PNPLA7: variants seen among roughly 807,000 people sequenced by gnomAD.
PNPLA7 encodes the protein patatin like domain 7, lysophospholipase, also known as patatin-like phospholipase domain-containing protein 7.
In PNPLA7, 153 loss-of-function variants were observed where a neutral mutation model predicts 161.7. The observed-to-expected ratio is 0.95, with a 90% confidence interval of 0.83 to 1.08. The LOEUF (loss-of-function observed/expected upper bound fraction) is 1.08. Among genes scored for constraint, PNPLA7 ranks in the 50% least tolerant of loss-of-function variants. The probability of loss-of-function intolerance (pLI) is 0.00; values close to 1 mark genes in which losing one functional copy is unlikely to be tolerated. For synonymous variants in PNPLA7, 809 were observed against 782.1 expected (o/e 1.03, Z -0.57); for missense variants, 1,739 against 1,856.6 (o/e 0.94, Z 1.16).
chr9:137,460,997 G>A (rs1831160308), intron 33 of PNPLA7: 12 of 475,854 alleles, frequency 2.5e-5, no homozygotes, highest in South Asian at 2.4e-4. Flanking sequence ...CCCCTTGTCA[G>A]CCAAGCACCC....
chr9:137,495,140 T>C lies in PNPLA7; in HGVS notation c.2020A>G (p.Thr674Ala), dbSNP rs1278426106. Residue 674 changes from threonine (T) to alanine (A), a missense_variant, in exon 19 of 35, where the codon ACA becomes GCA. Thr to Ala is a moderately conservative substitution (Grantham distance 58, BLOSUM62 0). Transcript: ENST00000406427. ...GTCGCCCGGGCCTGGTGGGTCAGTG[T>C]CTCCACCTGAGGACAGGAGCCGGCT... is the stretch of plus-strand genomic sequence containing the variant. ...GRGDLVGVVE[T>A]LTHQARATTV... is the part of the protein sequence containing the mutation. 5 of 1,598,296 alleles carry C rather than the reference T, an allele frequency of 3.1e-6. No individual in the cohort carries two copies. In the South Asian group the frequency reaches 5.5e-5, roughly 18 times the overall value.
At chr9:137,461,753 G>A (rs982899618) in intron 32 of PNPLA7, 133 bp from the exon 33 acceptor site, 9 of 1,214,888 alleles carry the variant, frequency 7.4e-6, no homozygotes, top group Non-Finnish European at 1.0e-5. Flanking sequence ...GTAAGGGCAG[G>A]GACCGGGGAG....
Position 137,547,647 on chromosome 9 carries a change from G to C in PNPLA7, c.43C>G (p.Leu15Val), listed in dbSNP as rs777835450. Residue 15 changes from leucine (L) to valine (V), a missense_variant, in exon 2 of 35, where the codon CTG becomes GTG. This residue lies in a region of PNPLA7 where 209 missense variants were observed against 252.8 expected (regional missense o/e 0.83). Coordinates refer to ENST00000406427, the MANE Select transcript of PNPLA7 (RefSeq NM_001098537.3). The surrounding 1 kb of genome is among the most constrained non-coding windows in gnomAD (Gnocchi z 4.6). ...KDDSPQADFCLGTALHSWGLW... is the reference protein window; with the variant it reads ...KDDSPQADFCVGTALHSWGLW... Reference sequence around the variant, plus strand: ...CCCCAAGAGTGCAGGGCGGTGCCCAGGCAGAAGTCAGCCTGCAGCAGAGAG... The same window carrying C: ...CCCCAAGAGTGCAGGGCGGTGCCCACGCAGAAGTCAGCCTGCAGCAGAGAG... 2.5e-6 allele frequency: 4 copies of C among 1,613,048 alleles called. No individual in the cohort carries two copies. The South Asian group carries it at 3.3e-5, about 13-fold the overall frequency.
chr9:137,506,285 T>A (rs995689783), intron 12 of PNPLA7, among the ~76,000 whole-genome samples: 6 of 152,196 alleles, frequency 3.9e-5, no homozygotes, highest in Non-Finnish European at 8.8e-5. Flanking sequence ...CTACAGGTTT[T>A]CTCCGCAGCT....
rs143602463 is a variant in PNPLA7, at chr9:137,499,302, G to A, written c.1758-1057C>T. Among the ~76,000 whole-genome samples the A allele has an allele frequency of 9.2e-5, 14 of 151,492 alleles. No homozygotes were observed. Among genetic ancestry groups the A allele is most frequent in the South Asian group, 2.1e-4 (1 of 4,772 alleles). ...CACAGAGACAGACACACGGACACAT[G>A]CAGACACATGGAGACACACAGAGAC... On this transcript the variant is annotated intron_variant, in intron 16 of 34. Transcript: ENST00000406427. This position sits in a 1 kb window ranked among gnomAD's most constrained non-coding sequence, Gnocchi z 5.5.
intron 11 of PNPLA7, among the ~76,000 whole-genome samples, chr9:137,517,037 CCTG>C (rs1834620302): frequency 1.5e-5 from 2 of 132,900 alleles, no homozygotes; most frequent in African/African-American, 2.9e-5. Flanking sequence ...CACTCCATCC[CCTG>C]TCACTCACTC....
intron 21 of PNPLA7, among the ~76,000 whole-genome samples, chr9:137,483,973 G>A (rs1281643358): frequency 1.3e-5 from 2 of 151,190 alleles, no homozygotes; most frequent in East Asian, 2.0e-4. Flanking sequence ...TTGCTCTGTC[G>A]CCCAGGCTGG....
intron 11 of PNPLA7, among the ~76,000 whole-genome samples, chr9:137,518,691 C>G (rs1333675698): frequency 2.3e-5 from 2 of 87,894 alleles, no homozygotes; most frequent in African/African-American, 4.8e-5. Flanking sequence ...CTCACTCACT[C>G]ACTCCACTCT....
At position 137,505,978 on chromosome 9, in the gene PNPLA7, C is replaced by A; in HGVS notation, c.1326+5G>T. 1.2e-6 allele frequency: 2 copies of A among 1,605,722 alleles called. No individual in the cohort carries two copies. Among genetic ancestry groups the A allele is most frequent in the Non-Finnish European group, 1.7e-6 (2 of 1,176,452 alleles). The stretch of plus-strand genomic sequence containing the variant: ...CGGAGGGTGAGAATGACAGCCAGGG[C>A]CTACCTTGCTGGCCACGGAGCTCCC... On this transcript the variant is annotated splice_donor_5th_base_variant and intron_variant, in intron 13 of 34. Transcript: ENST00000406427.
chr9:137,465,161 G>A (rs1284423966), intron 26 of PNPLA7, among the ~76,000 whole-genome samples: 3 of 152,144 alleles, frequency 2.0e-5, no homozygotes, highest in Non-Finnish European at 4.4e-5. Context: ...TGCTTACACC[G>A]TGTGATGCAG....
chr9:137,491,509 T>C (rs1186482649), intron 20 of PNPLA7: 1 of 983,130 alleles, frequency 1.0e-6, no homozygotes, highest in Non-Finnish European at 1.2e-6. Flanking sequence ...TCACATTACG[T>C]TACGTGTTAG....
At chr9:137,461,895 CG>C in intron 32 of PNPLA7, 35 bp downstream of exon 32, 1 of 1,509,764 alleles carries the variant, frequency 6.6e-7, no homozygotes. Context: ...GGGCGCGGTC[CG>C]GGGAGCTGGG....
chr9:137,501,768 A>G lies in PNPLA7; in HGVS notation c.1474-41T>C, dbSNP rs145428738. ...ACTTCAGGGAACACGGGCGGGAAGCATAAATGAAGGTCCAGAGAACAGAGG... is the reference window on the plus strand; with the variant it reads ...ACTTCAGGGAACACGGGCGGGAAGCGTAAATGAAGGTCCAGAGAACAGAGG... On this transcript the variant is annotated intron_variant, in intron 14 of 34. Coordinates refer to ENST00000406427, the MANE Select transcript of PNPLA7 (RefSeq NM_001098537.3). The G allele has an allele frequency of 4.2e-4, 669 of 1,591,852 alleles. 2 individuals carry two copies. The East Asian group carries it at 0.013, about 31-fold the overall frequency.
intron 25 of PNPLA7, among the ~76,000 whole-genome samples, chr9:137,471,397 A>G (rs775147605): frequency 1.2e-4 from 19 of 152,098 alleles, no homozygotes; most frequent in Non-Finnish European, 2.5e-4. Flanking sequence ...TCAGGAGTTC[A>G]AGACCAGCCT....
rs1463069995 is a variant in PNPLA7, at chr9:137,493,012, C to T, written c.2197+1G>A. ...GCTCTGGGTTGGGAGAGGTGACCCACCTGTCACAGGTCCCTGCTGGAGGCT... is the reference window on the plus strand; with the variant it reads ...GCTCTGGGTTGGGAGAGGTGACCCATCTGTCACAGGTCCCTGCTGGAGGCT... On this transcript the variant is annotated splice_donor_variant, in intron 20 of 34. Transcript: ENST00000406427. LOFTEE classifies it high-confidence loss of function. 1.2e-6 allele frequency: 2 copies of T among 1,613,290 alleles called. No individual in the cohort carries two copies. The highest frequency in any genetic ancestry group is 1.7e-6 in the Non-Finnish European group (2 of 1,179,958).
rs1051811690 is a variant in PNPLA7, at chr9:137,486,666, A to G, written c.2198-1930T>C. ...CCACCAAAGCTCAGTCCCCGCCCTC[A>G]GTCCAACTCAGCACCGGGAGCCCTG... On this transcript the variant is annotated intron_variant, in intron 20 of 34. Transcript: ENST00000406427. The surrounding 1 kb of genome is among the most constrained non-coding windows in gnomAD (Gnocchi z 6.0). 6.6e-6 allele frequency among the ~76,000 whole-genome samples: 1 copy of G among 151,642 alleles called. No individual in the cohort carries two copies. The highest frequency in any genetic ancestry group is 1.5e-5 in the Non-Finnish European group (1 of 67,918).
chr9:137,514,164 C>A (rs1032027226), intron 12 of PNPLA7, among the ~76,000 whole-genome samples: 8 of 145,484 alleles, frequency 5.5e-5, no homozygotes, highest in African/African-American at 2.1e-4. Flanking sequence ...GGGCGTGTCA[C>A]CCGGCTGTTG....
At chr9:137,494,823 G>A (rs1179082416) in intron 19 of PNPLA7, among the ~76,000 whole-genome samples, 3 of 145,470 alleles carry the variant, frequency 2.1e-5, no homozygotes, top group African/African-American at 5.2e-5. Context: ...CACCTGCTCC[G>A]TGACCTCATC....
chr9:137,515,434 G>A lies in PNPLA7; in HGVS notation c.1170C>T (p.Ile390=). Residue 390 remains isoleucine (I), a synonymous_variant, in exon 12 of 35, where the codon ATC becomes ATT. Transcript: ENST00000406427. ...SVPAPSIRKQ[I]LEELEKPGAG... is the part of the protein sequence containing the mutation. The stretch of plus-strand genomic sequence containing the variant: ...CCCCGGGCTTCTCCAGCTCCTCCAA[G>A]ATCTGTTTGCGAATGGAAGGCGCGG... The A allele has an allele frequency of 6.2e-7, 1 of 1,603,632 alleles. No homozygotes were observed. Among genetic ancestry groups the A allele is most frequent in the Non-Finnish European group, 8.5e-7 (1 of 1,176,260 alleles).
Sources: allele counts gnomAD v4.1 joint callset (sites outside exome capture counted in the v4.1 genomes callset), GRCh38; gene constraint gnomAD v4.1.1; regional missense constraint gnomAD v4.1.1; non-coding constraint Gnocchi (gnomAD v3.1); transcripts MANE v1.5; gene names NCBI Gene and HGNC (gene_info 2026-07-23, HGNC 2026-07-21).